Variants in ELP1 observed in about 807,000 individuals in gnomAD.
The protein encoded by ELP1 is elongator acetyltransferase complex subunit 1, also known as elongator complex protein 1.
In ELP1, 131 loss-of-function variants were observed where a neutral mutation model predicts 183.2. The ratio of observed to expected loss-of-function variants is 0.72; its 90% CI spans 0.62 to 0.83. The LOEUF (loss-of-function observed/expected upper bound fraction) is 0.83, where lower values mean the gene tolerates loss of function less well. Among genes scored for constraint, ELP1 ranks in the 40% least tolerant of loss-of-function variants. The pLI, the probability that ELP1 is intolerant of heterozygous loss-of-function variation, is 0.00. For missense variants in ELP1, 1,550 were observed against 1,594.9 expected, an observed-to-expected ratio of 0.97 and a Z score of 0.48; for synonymous variants, 555 against 569.0, an observed-to-expected ratio of 0.98 and a Z score of 0.35.
In ELP1 at chr9:108,895,919, G is replaced by T. The variant is rs1167762572; in HGVS notation, c.2736+577C>A. On this transcript the variant is annotated intron_variant, in intron 25 of 36. Coordinates refer to ENST00000374647, the MANE Select transcript of ELP1 (RefSeq NM_003640.5). ...ACCACTTGTTACATTTCCTTTATAA[G>T]AGAAGAAATTAGCTCACACATATGC... is the stretch of plus-strand genomic sequence containing the variant. 2.6e-5 allele frequency among the ~76,000 whole-genome samples: 4 copies of T among 152,284 alleles called. No homozygotes were observed. In the East Asian group the frequency reaches 7.7e-4, roughly 29 times the overall value.
At chr9:108,893,193 T>C in intron 26 of ELP1, 110 bp from the exon 27 acceptor site, 1 of 756,068 alleles carries the variant, frequency 1.3e-6, no homozygotes, top group South Asian at 1.5e-5. Context: ...TTTTAAGACC[T>C]AAATAATCAG....
chr9:108,912,549 C>T (rs1370047320), intron 10 of ELP1, 55 bp from the exon 11 acceptor site: 2 of 1,311,292 alleles, frequency 1.5e-6, no homozygotes, highest in Non-Finnish European at 2.2e-6. Context: ...GACTTCATCC[C>T]ACTTGCCAGA....
Position 108,917,548 on chromosome 9 carries a change from T to G in ELP1, c.863A>C (p.Lys288Thr). 6.2e-7 allele frequency: 1 copy of G among 1,613,836 alleles called. No individual in the cohort carries two copies. Among genetic ancestry groups the G allele is most frequent in the South Asian group, 1.1e-5 (1 of 91,074 alleles). Residue 288 changes from lysine (K) to threonine (T), a missense_variant and splice_region_variant, in exon 9 of 37, where the codon AAG becomes ACG. By Grantham distance (78) the Lys-to-Thr change is moderately conservative (BLOSUM62 -1). Coordinates refer to ENST00000374647, the MANE Select transcript of ELP1 (RefSeq NM_003640.5). ...FTLPFLKDEV[K>T]VNDLLWNADS... is the part of the protein sequence containing the mutation. ...GGTGAAACAAACTCAGGCACTTACC[T>G]TAACCTCATCTTTAAGGAAGGGAAG...
chr9:108,926,518 C>G lies in ELP1; in HGVS notation c.466+5G>C, dbSNP rs745386940. On this transcript the variant is annotated splice_donor_5th_base_variant and intron_variant, in intron 5 of 36. Coordinates refer to ENST00000374647, the MANE Select transcript of ELP1 (RefSeq NM_003640.5). Reference sequence around the variant, plus strand: ...TCACAAAATATTGCACAAAGCTATACTTACTTTCACCAAAATCATCCTGAT... The same window carrying G: ...TCACAAAATATTGCACAAAGCTATAGTTACTTTCACCAAAATCATCCTGAT... The G allele has an allele frequency of 6.2e-6, 10 of 1,609,676 alleles. No homozygotes were observed. In the African/African-American group the frequency reaches 6.7e-5, roughly 11 times the overall value.
rs920767290 is a variant in ELP1 at position 108,873,586 on chromosome 9, G to C, written c.3931+1309C>G. Among the ~76,000 whole-genome samples the C allele has an allele frequency of 2.3e-4, 35 of 152,220 alleles. 1 individual carries two copies. The highest frequency in any genetic ancestry group is 2.2e-3 in the Admixed American group (34 of 15,278). Reference sequence around the variant, plus strand: ...AGCCATCTAGAATACCCTGGGGAATGATGGGACTGACCTAACCTGAAGGTC... The same window carrying C: ...AGCCATCTAGAATACCCTGGGGAATCATGGGACTGACCTAACCTGAAGGTC... On this transcript the variant is annotated intron_variant, in intron 36 of 36. Transcript: ENST00000374647.
intron 27 of ELP1, among the ~76,000 whole-genome samples, chr9:108,892,542 T>C (rs1413294894): frequency 6.6e-6 from 1 of 152,198 alleles, no homozygotes; most frequent in African/African-American, 2.4e-5. Flanking sequence ...GGCAAGTTGC[T>C]TCCTCATCTA....
At chr9:108,919,033 T>A in intron 7 of ELP1, 132 bp from the exon 8 acceptor site, 1 of 819,316 alleles carries the variant, frequency 1.2e-6, no homozygotes, top group Admixed American at 2.0e-5. Context: ...TTAGATTAAT[T>A]TTGTTACAAA....
chr9:108,896,925 A>C (rs1828573060), intron 24 of ELP1, 28 bp downstream of exon 24: 3 of 1,594,274 alleles, frequency 1.9e-6, no homozygotes, highest in Non-Finnish European at 2.6e-6. Context: ...GGCCACCTTA[A>C]GCACTTTCTC....
chr9:108,922,472 T>A (rs1828471981), intron 6 of ELP1, among the ~76,000 whole-genome samples: 1 of 152,126 alleles, frequency 6.6e-6, no homozygotes, highest in Admixed American at 6.5e-5. Flanking sequence ...TACACATATA[T>A]GGGAAAAGTA....
chr9:108,912,311 A>T lies in ELP1; in HGVS notation c.1142T>A (p.Val381Glu). 6.2e-7 allele frequency: 1 copy of T among 1,614,046 alleles called. No individual in the cohort carries two copies. Among genetic ancestry groups the T allele is most frequent in the East Asian group, 2.2e-5 (1 of 44,874 alleles). Residue 381 changes from valine to glutamate, a missense_variant, in exon 11 of 37, where the codon GTG (valine) becomes GAG (glutamate). Val to Glu is a moderately radical substitution (Grantham distance 121). Transcript: ENST00000374647. Reference sequence around the variant, plus strand: ...GGACAAGTCACTTGAATTATCTCCCACGCTCCGGTCAGTCGTCCAGTGCCA... The same window carrying T: ...GGACAAGTCACTTGAATTATCTCCCTCGCTCCGGTCAGTCGTCCAGTGCCA... ...YDWHWTTDRS[V>E]GDNSSDLSNV...
At chr9:108,912,560 G>A (rs1829270407) in intron 10 of ELP1, 66 bp from the exon 11 acceptor site, 1 of 1,086,648 alleles carries the variant, frequency 9.2e-7, no homozygotes, top group East Asian at 2.4e-5. Flanking sequence ...ACTTGCCAGA[G>A]GGGTTCAAGG....
At chr9:108,907,058 G>A (rs566374988) in intron 13 of ELP1, among the ~76,000 whole-genome samples, 113 of 152,186 alleles carry the variant, frequency 7.4e-4, no homozygotes, top group African/African-American at 2.6e-3. Flanking sequence ...TGAAGAAGTT[G>A]GTCACTAGCC....
chr9:108,891,533 TG>T, intron 27 of ELP1, 129 bp from the exon 28 acceptor site: 1 of 826,322 alleles, frequency 1.2e-6, no homozygotes, highest in Non-Finnish European at 2.0e-6. Flanking sequence ...ATCTTACAGT[TG>T]ATCAGTTAGT....
chr9:108,901,430 A>C lies in ELP1; in HGVS notation c.2009T>G (p.Phe670Cys), dbSNP rs139479557. ...CQCFCLRDASFKTLQAGLSSN... is the reference protein window; with the variant it reads ...CQCFCLRDASCKTLQAGLSSN... ...TTTATACATTGAAAACTTACTTTTA[A>C]ATGAAGCATCCCTCAGGCAAAAACA... The change falls in exon 18 of 37, where the codon TTT becomes TGT. Residue 670 changes from phenylalanine to cysteine, a missense_variant. Transcript: ENST00000374647. 116 of 1,608,376 alleles carry C rather than the reference A, an allele frequency of 7.2e-5. No individual in the cohort carries two copies. The highest frequency in any genetic ancestry group is 9.3e-5 in the Non-Finnish European group (109 of 1,174,832).
At position 108,927,297 on chromosome 9, in the gene ELP1, TA is replaced by T. The variant is rs1447492402; in HGVS notation, c.385+74del. Reference sequence around the variant, plus strand: ...GAAATTTTTTGAAATTCAAGCAGCCTAAAGCTGATGAAGCCTGTAAGACATC... The same window carrying T: ...GAAATTTTTTGAAATTCAAGCAGCCTAAGCTGATGAAGCCTGTAAGACATC... On this transcript the variant is annotated intron_variant, in intron 4 of 36. Coordinates refer to ENST00000374647, the MANE Select transcript of ELP1 (RefSeq NM_003640.5). 7 of 1,256,452 alleles carry T rather than the reference TA, an allele frequency of 5.6e-6. No homozygotes were observed. In the African/African-American group the frequency reaches 5.9e-5, roughly 11 times the overall value. 77.8% of individuals were successfully genotyped at this position (1,256,452 alleles called of 1,614,324 possible).
intron 1 of ELP1, among the ~76,000 whole-genome samples, chr9:108,932,184 T>C (rs892241798): frequency 5.9e-5 from 9 of 152,148 alleles, no homozygotes; most frequent in African/African-American, 2.2e-4. Context: ...CAGAAGATAA[T>C]GTCAAGTGTC....
Position 108,916,312 on chromosome 9 carries a change from A to C in ELP1, c.865-15T>G. On this transcript the variant is annotated splice_polypyrimidine_tract_variant and intron_variant, in intron 9 of 36. Transcript: ENST00000374647. Reference sequence around the variant, plus strand: ...AAGTCATTTACCTAGAAGGGAAAAAAGATCTGTCATTGGCTTTCAGTTATG... The same window carrying C: ...AAGTCATTTACCTAGAAGGGAAAAACGATCTGTCATTGGCTTTCAGTTATG... The C allele has an allele frequency of 6.3e-7, 1 of 1,593,180 alleles. No homozygotes were observed. Among genetic ancestry groups the C allele is most frequent in the East Asian group, 2.2e-5 (1 of 44,782 alleles).
chr9:108,905,333 T>C (rs749229885), intron 14 of ELP1, among the ~76,000 whole-genome samples: 4 of 152,204 alleles, frequency 2.6e-5, no homozygotes, highest in Non-Finnish European at 4.4e-5. Context: ...GTGCCAAGTA[T>C]TGACACTGGA....
At position 108,867,646 on chromosome 9, in the gene ELP1, A is replaced by G. The variant is rs1381798457; in HGVS notation, c.*1469T>C. The G allele has an allele frequency of 6.6e-6, 1 of 152,248 alleles. No individual in the cohort carries two copies. The highest frequency in any genetic ancestry group is 1.5e-5 in the Non-Finnish European group (1 of 68,046). The allele number at this position is 152,248 out of a possible 1,614,324, so 9.4% of individuals were successfully genotyped here. A position where few individuals can be genotyped will look rare whatever the true frequency, so the allele number is the denominator to read the frequency against. ...TTTACCCATGCCAAAGAGTGATTAC[A>G]AAGTACTTGCAGCCTTTCAATATTG... is the stretch of plus-strand genomic sequence containing the variant. On this transcript the variant is annotated 3_prime_UTR_variant, in exon 37 of 37. Transcript: ENST00000374647.
Sources: allele counts gnomAD v4.1 joint callset (sites outside exome capture counted in the v4.1 genomes callset), GRCh38; gene constraint gnomAD v4.1.1; transcripts MANE v1.5; gene names NCBI Gene and HGNC (gene_info 2026-07-23, HGNC 2026-07-21).